IQGAP3: variants seen among roughly 807,000 people sequenced by gnomAD.
IQGAP3 encodes the protein ras GTPase-activating-like protein IQGAP3.
Under a neutral mutation model 208.2 loss-of-function variants are expected in IQGAP3, and 165 were observed. The observed-to-expected ratio is 0.79, with a 90% confidence interval of 0.70 to 0.90. IQGAP3 has a LOEUF of 0.90. IQGAP3 is among the 40% of genes least tolerant of loss of function. IQGAP3 has a pLI of 0.00. For synonymous variants in IQGAP3, 703 were observed against 803.6 expected, an observed-to-expected ratio of 0.87 and a Z score of 2.12; for missense variants, 1,811 against 2,043.1, an observed-to-expected ratio of 0.89 and a Z score of 2.19.
chr1:156,528,433 G>C, intron 36 of IQGAP3, 76 bp downstream of exon 36: 9 of 1,042,436 alleles, frequency 8.6e-6, no homozygotes, highest in Non-Finnish European at 1.3e-5. Flanking sequence ...TCTTCCACCC[G>C]GTGCCCAGCC....
chr1:156,539,126 G>T, intron 25 of IQGAP3, 93 bp from the exon 26 acceptor site: 1 of 1,105,048 alleles, frequency 9.0e-7, no homozygotes, highest in Non-Finnish European at 1.3e-6. Context: ...CTCAAAGCCT[G>T]CCCTGGTGTC....
intron 1 of IQGAP3, 106 bp downstream of exon 1, chr1:156,572,387 C>T (rs1676683779): frequency 8.0e-7 from 1 of 1,251,528 alleles, no homozygotes; most frequent in Admixed American, 1.7e-5. Flanking sequence ...CCGCCCTCGC[C>T]CCTCAGGCTT....
chr1:156,531,386 T>C, intron 32 of IQGAP3, 139 bp from the exon 33 acceptor site: 1 of 673,936 alleles, frequency 1.5e-6, no homozygotes, highest in Non-Finnish European at 2.7e-6. Flanking sequence ...GAGCGAGGGA[T>C]AGGGGATGTC....
In IQGAP3 at chr1:156,544,145, C is replaced by T; in HGVS notation, c.2460+7G>A. On this transcript the variant is annotated splice_region_variant and intron_variant, in intron 21 of 37. Coordinates refer to ENST00000361170, the MANE Select transcript of IQGAP3 (RefSeq NM_178229.5). ...TATGTGGGCAGGGGGAACAAGGTGA[C>T]ACTCACATTCTTCTGGAAGTAGTGC... 1.2e-6 allele frequency: 2 copies of T among 1,614,034 alleles called. No homozygotes were observed. Among genetic ancestry groups the T allele is most frequent in the Non-Finnish European group, 1.7e-6 (2 of 1,179,890 alleles).
At chr1:156,559,289 T>G (rs943598259) in intron 11 of IQGAP3, among the ~76,000 whole-genome samples, 4 of 152,170 alleles carry the variant, frequency 2.6e-5, no homozygotes, top group African/African-American at 9.7e-5. Context: ...CAAGGCTTGA[T>G]GACAGCACAG....
chr1:156,546,424 C>A (rs1318958196), intron 19 of IQGAP3, among the ~76,000 whole-genome samples: 1 of 152,184 alleles, frequency 6.6e-6, no homozygotes, highest in African/African-American at 2.4e-5. Context: ...CATCTTCTCT[C>A]CCACTGTTGG....
intron 32 of IQGAP3, among the ~76,000 whole-genome samples, chr1:156,531,657 T>A (rs1181614979): frequency 7.1e-6 from 1 of 141,406 alleles, no homozygotes; most frequent in African/African-American, 2.7e-5. Context: ...CAGGCTGGAG[T>A]GCAATGGCAT....
intron 34 of IQGAP3, 134 bp downstream of exon 34, chr1:156,529,971 C>T: frequency 3.1e-6 from 2 of 641,838 alleles, no homozygotes; most frequent in Non-Finnish European, 2.7e-6. Flanking sequence ...GACCCTCAGC[C>T]TTCCTCTGGC....
At chr1:156,551,564 A>C (rs903350810) in intron 15 of IQGAP3, 141 bp downstream of exon 15, 1 of 840,672 alleles carries the variant, frequency 1.2e-6, no homozygotes, top group Non-Finnish European at 1.8e-6. Flanking sequence ...ATCCTTCTTT[A>C]CCAGATTGGA....
intron 28 of IQGAP3, 99 bp from the exon 29 acceptor site, chr1:156,534,832 C>A: frequency 1.1e-6 from 1 of 887,784 alleles, no homozygotes; most frequent in Non-Finnish European, 1.7e-6. Context: ...ACACCTGGGC[C>A]AACCCCCTCA....
intron 11 of IQGAP3, among the ~76,000 whole-genome samples, chr1:156,557,977 G>T (rs1206380523): frequency 1.0e-3 from 8 of 7,996 alleles, no homozygotes; most frequent in African/African-American, 1.4e-3. Context: ...GGAGGGAGGT[G>T]GGGGGGTCAG....
chr1:156,529,920 A>AAAAAG (rs1186093733), intron 34 of IQGAP3, among the ~76,000 whole-genome samples, 185 bp downstream of exon 34: 2,215 of 150,016 alleles, frequency 0.015, 88 homozygotes, highest in African/African-American at 0.053. Context: ...CTGTCTCAAA[A>AAAAAG]AAAAAAAAAA....
chr1:156,530,144 G>A lies in IQGAP3; in HGVS notation c.4365C>T (p.Ala1455=). Residue 1455 remains alanine, a synonymous_variant, in exon 34 of 38, where the codon GCC becomes GCT. Transcript: ENST00000361170. ...RRLEALGLVS[A]RNGYQGLVDE... ...CCACTAGCCCCTGGTAGCCATTTCT[G>A]GCGCTGACCAACCCCAGGGCTTCAA... 6.2e-7 allele frequency: 1 copy of A among 1,609,124 alleles called. No homozygotes were observed. The highest frequency in any genetic ancestry group is 1.1e-5 in the South Asian group (1 of 89,806).
At chr1:156,530,528 G>A (rs541495609) in intron 33 of IQGAP3, among the ~76,000 whole-genome samples, 38 of 152,250 alleles carry the variant, frequency 2.5e-4, no homozygotes, top group Admixed American at 1.1e-3. Flanking sequence ...CATAATGCAT[G>A]GTGTCACACA....
intron 34 of IQGAP3, 81 bp from the exon 35 acceptor site, chr1:156,529,163 A>T: frequency 1.4e-6 from 2 of 1,412,320 alleles, no homozygotes; most frequent in Non-Finnish European, 2.0e-6. Context: ...CCCAAGAGCT[A>T]CACACTGTGA....
At chr1:156,569,822 G>A (rs961645460) in intron 1 of IQGAP3, among the ~76,000 whole-genome samples, 17 of 152,198 alleles carry the variant, frequency 1.1e-4, no homozygotes, top group African/African-American at 3.4e-4. Flanking sequence ...ATGCCCAGCC[G>A]AAACATCTTC....
intron 28 of IQGAP3, 42 bp from the exon 29 acceptor site, chr1:156,534,775 C>T (rs1674613100): frequency 1.4e-6 from 2 of 1,391,380 alleles, no homozygotes; most frequent in Admixed American, 5.7e-5. Flanking sequence ...CCAGGGGCCG[C>T]CTTGACTGGT....
chr1:156,528,495 C>G lies in IQGAP3; in HGVS notation c.4673+14G>C, dbSNP rs368855264. The G allele has an allele frequency of 6.2e-7, 1 of 1,603,522 alleles. No homozygotes were observed. Among genetic ancestry groups the G allele is most frequent in the Admixed American group, 1.7e-5 (1 of 59,764 alleles). ...CAGGAAGGGGCTGACATCCTGCCCT[C>G]CAAAGACACATACTGAGAGGCGGGA... On this transcript the variant is annotated intron_variant, in intron 36 of 37. Coordinates refer to ENST00000361170, the MANE Select transcript of IQGAP3 (RefSeq NM_178229.5).
intron 22 of IQGAP3, among the ~76,000 whole-genome samples, chr1:156,541,711 A>G (rs1452612350): frequency 6.6e-6 from 1 of 152,190 alleles, no homozygotes; most frequent in Non-Finnish European, 1.5e-5. Context: ...TGAAGGAGTC[A>G]GATTTGGAAG....
Sources: gnomAD v4.1 joint callset for allele counts (sites outside exome capture counted in the v4.1 genomes callset) on GRCh38, gnomAD v4.1.1 for gene constraint, MANE v1.5 for transcripts, NCBI Gene and HGNC (gene_info 2026-07-23, HGNC 2026-07-21) for gene names.